NAA35: variants seen among roughly 807,000 people sequenced by gnomAD.
The protein encoded by NAA35 is MAK10 homolog, amino-acid N-acetyltransferase subunit.
NAA35 carries 18 observed loss-of-function variants against 101.7 expected under a neutral mutation model. The ratio of observed to expected loss-of-function variants is 0.18; its 90% confidence interval spans 0.12 to 0.26. NAA35 has a LOEUF of 0.26. Ranked by LOEUF, NAA35 falls within the 10% of genes least tolerant of loss-of-function variation. The pLI is 1.00. For missense variants in NAA35, 601 were observed against 886.8 expected (o/e 0.68, Z 4.09); for synonymous variants, 267 against 273.1 (o/e 0.98, Z 0.22).
chr9:86,015,840 A>G, intron 17 of NAA35: 2 of 935,168 alleles, frequency 2.1e-6, no homozygotes, highest in Non-Finnish European at 1.3e-6. Flanking sequence ...CTTCACTTGA[A>G]TTAAGATATA....
Position 85,941,180 on chromosome 9 carries a change from C to G in NAA35, c.-99C>G. On this transcript the variant is annotated 5_prime_UTR_variant, in exon 1 of 23. Transcript: ENST00000361671. Reference sequence around the variant, plus strand: ...CGTGCACGCTGCCGGTCGGGCTGGGCTGAGAGGGGAGGGGGCGGCGGCGGC... The same window carrying G: ...CGTGCACGCTGCCGGTCGGGCTGGGGTGAGAGGGGAGGGGGCGGCGGCGGC... 1 of 986,626 alleles carries G rather than the reference C, an allele frequency of 1.0e-6. No homozygotes were observed. The highest frequency in any genetic ancestry group is 1.2e-6 in the Non-Finnish European group (1 of 830,722). The allele number at this position is 986,626 out of a possible 1,614,324, so 61.1% of individuals were successfully genotyped here.
intron 2 of NAA35, among the ~76,000 whole-genome samples, chr9:85,944,774 T>A (rs1828685986): frequency 6.6e-6 from 1 of 152,224 alleles, no homozygotes; most frequent in Non-Finnish European, 1.5e-5. Flanking sequence ...GTTTCATTTA[T>A]GTTAAAGATC....
intron 6 of NAA35, among the ~76,000 whole-genome samples, chr9:85,973,230 C>G (rs770680012): frequency 6.6e-6 from 1 of 152,086 alleles, no homozygotes; most frequent in Non-Finnish European, 1.5e-5. Flanking sequence ...CGAGGGAGAC[C>G]GGGCCATGTG....
intron 2 of NAA35, among the ~76,000 whole-genome samples, chr9:85,951,563 G>A (rs947189167): frequency 6.6e-6 from 1 of 152,144 alleles, no homozygotes; most frequent in African/African-American, 2.4e-5. Flanking sequence ...ACTTTGAATG[G>A]CTCTTTAATC....
intron 11 of NAA35, among the ~76,000 whole-genome samples, chr9:85,993,682 A>G (rs1302022506): frequency 6.6e-6 from 1 of 152,204 alleles, no homozygotes; most frequent in Non-Finnish European, 1.5e-5. Context: ...TAAAATTAGA[A>G]AAGGGAAGTT....
intron 15 of NAA35, among the ~76,000 whole-genome samples, chr9:86,012,371 G>A (rs1422471565): frequency 6.6e-6 from 1 of 152,040 alleles, no homozygotes; most frequent in Non-Finnish European, 1.5e-5. Context: ...GCCTCCCAAA[G>A]TGCTGGGATT....
intron 2 of NAA35, 68 bp from the exon 3 acceptor site, chr9:85,956,292 C>A: frequency 1.0e-6 from 1 of 973,928 alleles, no homozygotes; most frequent in Non-Finnish European, 1.5e-6. Flanking sequence ...GTGCTAATGT[C>A]TTTTTTTTCT....
At chr9:85,996,670 A>G (rs1012257102) in intron 12 of NAA35, 93 bp downstream of exon 12, 2 of 932,810 alleles carry the variant, frequency 2.1e-6, no homozygotes, top group African/African-American at 3.4e-5. Flanking sequence ...CTTTGGTTTA[A>G]CAACAGAATA....
At chr9:85,958,190 C>T (rs563592128) in intron 3 of NAA35, among the ~76,000 whole-genome samples, 2 of 152,242 alleles carry the variant, frequency 1.3e-5, no homozygotes, top group Admixed American at 1.3e-4. Flanking sequence ...ATCCACCCGC[C>T]TCAGCCTCCC....
intron 2 of NAA35, among the ~76,000 whole-genome samples, chr9:85,950,055 C>G (rs1484697746): frequency 6.6e-6 from 1 of 152,064 alleles, no homozygotes; most frequent in Non-Finnish European, 1.5e-5. Flanking sequence ...GAAACATTAT[C>G]TTTCTCATTA....
chr9:85,966,915 T>C (rs1342483721), intron 6 of NAA35, among the ~76,000 whole-genome samples: 4 of 152,208 alleles, frequency 2.6e-5, no homozygotes, highest in Admixed American at 1.3e-4. Context: ...GAGACCAGCC[T>C]GGCCAACATG....
At chr9:85,996,942 CTTTTT>C (rs896987513) in intron 12 of NAA35, among the ~76,000 whole-genome samples, 2 of 144,706 alleles carry the variant, frequency 1.4e-5, no homozygotes, top group African/African-American at 5.1e-5. Context: ...AACTTAAACT[CTTTTT>C]TTTTTTTAAT....
At chr9:85,962,649 T>C (rs1237617092) in intron 6 of NAA35, among the ~76,000 whole-genome samples, 1 of 152,176 alleles carries the variant, frequency 6.6e-6, no homozygotes, top group Non-Finnish European at 1.5e-5. Context: ...TTTACAGATA[T>C]ATTGGGTAAA....
intron 15 of NAA35, among the ~76,000 whole-genome samples, chr9:86,011,343 TATTTA>T (rs1331159154): frequency 6.6e-6 from 1 of 151,986 alleles, no homozygotes; most frequent in African/African-American, 2.4e-5. Flanking sequence ...TATTCATTTT[TATTTA>T]ATTTTTTAAA....
chr9:85,999,596 T>C (rs889799690), intron 12 of NAA35, among the ~76,000 whole-genome samples: 1 of 152,216 alleles, frequency 6.6e-6, no homozygotes, highest in African/African-American at 2.4e-5. Flanking sequence ...CCATTCCAGG[T>C]ACCTTAGGGG....
chr9:85,973,452 A>G (rs111331133), intron 6 of NAA35, among the ~76,000 whole-genome samples: 2,371 of 152,262 alleles, frequency 0.016, 28 homozygotes, highest in Admixed American at 0.026. Flanking sequence ...TGGTGACTTA[A>G]ACTAGAGAGA....
Position 86,020,677 on chromosome 9 carries a change from C to G in NAA35, c.2038-212C>G, listed in dbSNP as rs539477930. 7.4e-4 allele frequency among the ~76,000 whole-genome samples: 112 copies of G among 152,138 alleles called. 1 individual carries two copies. Among genetic ancestry groups the G allele is most frequent in the Admixed American group, 6.5e-4 (10 of 15,282 alleles). On this transcript the variant is annotated intron_variant, in intron 21 of 22. Coordinates refer to ENST00000361671, the MANE Select transcript of NAA35 (RefSeq NM_024635.4). ...TGGGCAACACAGTGAGATCTTGTCTCTATAAAAATTTAAAAATGAGCTGGG... is the reference window on the plus strand; with the variant it reads ...TGGGCAACACAGTGAGATCTTGTCTGTATAAAAATTTAAAAATGAGCTGGG...
At chr9:85,956,450 C>A in intron 3 of NAA35, 57 bp downstream of exon 3, 1 of 997,070 alleles carries the variant, frequency 1.0e-6, no homozygotes. Flanking sequence ...GTTTTTTTTT[C>A]CTCATGTGGA....
chr9:86,013,659 GT>G (rs1459346479), intron 16 of NAA35, 59 bp from the exon 17 acceptor site: 6 of 1,485,250 alleles, frequency 4.0e-6, no homozygotes, highest in Non-Finnish European at 4.6e-6. Context: ...TTTTTTTAAA[GT>G]TCTGTCATTA....
Sources: gnomAD v4.1 joint callset for allele counts (sites outside exome capture counted in the v4.1 genomes callset) on GRCh38, gnomAD v4.1.1 for gene constraint, MANE v1.5 for transcripts, NCBI Gene and HGNC (gene_info 2026-07-23, HGNC 2026-07-21) for gene names.